The following DMD variants were observed in gnomAD, a reference collection of about 807,000 sequenced individuals.
The protein encoded by DMD is mutant dystrophin.
DMD carries 63 observed loss-of-function variants against 330.1 expected under a neutral mutation model. The observed-to-expected ratio is 0.19, with a 90% CI of 0.16 to 0.24. The LOEUF (loss-of-function observed/expected upper bound fraction) is 0.24, where lower values mean the gene tolerates loss of function less well. Among genes scored for constraint, DMD ranks in the 10% least tolerant of loss-of-function variants. DMD has a pLI of 1.00. For missense variants in DMD, 3,344 were observed against 2,684.1 expected, an observed-to-expected ratio of 1.25 and a Z score of -5.43; for synonymous variants, 1,223 against 959.8, an observed-to-expected ratio of 1.27 and a Z score of -5.07.
chrX:31,321,282 A>G (rs934879447), intron 62 of DMD, among the ~76,000 whole-genome samples: 1 of 111,108 alleles, frequency 9.0e-6, no homozygotes, highest in East Asian at 2.8e-4. Flanking sequence ...TCTTTATTTT[A>G]TAAATTAGAA....
intron 2 of DMD, among the ~76,000 whole-genome samples, chrX:33,016,765 T>C (rs2093811068): frequency 8.9e-6 from 1 of 111,759 alleles, no homozygotes; most frequent in Non-Finnish European, 1.9e-5. Flanking sequence ...GTAAATATTT[T>C]TTCCCATAAA....
chrX:32,672,212 T>C (rs941848942), intron 9 of DMD, among the ~76,000 whole-genome samples: 12 of 111,015 alleles, frequency 1.1e-4, no homozygotes, highest in African/African-American at 3.9e-4. Context: ...GCCTAACCTA[T>C]GCTAAAGATG....
chrX:31,781,729 T>C lies in DMD; in HGVS notation c.7310-7537A>G, dbSNP rs779882667. ...GCACTATTGACATTTTTGTCCCAGA[T>C]AATTTTTTGTCGTGAGTGGCTGTCC... is the stretch of plus-strand genomic sequence containing the variant. On this transcript the variant is annotated intron_variant, in intron 50 of 78. Coordinates refer to ENST00000357033, the MANE Select transcript of DMD (RefSeq NM_004006.3). Among the ~76,000 whole-genome samples, 5 of 111,456 alleles carry C rather than the reference T, an allele frequency of 4.5e-5. No individual in the cohort carries two copies. In the South Asian group the frequency reaches 1.5e-3, roughly 34 times the overall value.
chrX:31,558,685 T>C (rs2075004643), intron 55 of DMD, among the ~76,000 whole-genome samples: 1 of 111,132 alleles, frequency 9.0e-6, no homozygotes. Flanking sequence ...TATATATATA[T>C]GGACATATAA....
intron 2 of DMD, among the ~76,000 whole-genome samples, chrX:33,019,351 C>A (rs1239137476): frequency 1.8e-5 from 2 of 111,375 alleles, no homozygotes; most frequent in Non-Finnish European, 3.8e-5. Flanking sequence ...TTTCCATTAT[C>A]TAGATTTGAT....
intron 43 of DMD, among the ~76,000 whole-genome samples, chrX:32,244,886 G>A (rs369814968): frequency 2.7e-4 from 19 of 71,630 alleles, no homozygotes; most frequent in Admixed American, 5.5e-4. Context: ...AGTAGGTTGC[G>A]AAAATTTTCT....
At chrX:32,457,208 T>A (rs376912492) in intron 25 of DMD, among the ~76,000 whole-genome samples, 2 of 110,554 alleles carry the variant, frequency 1.8e-5, no homozygotes, top group South Asian at 3.8e-4. Flanking sequence ...CAACTGAATT[T>A]AGCGATTTAG....
chrX:32,863,897 C>T (rs933715542), intron 2 of DMD, among the ~76,000 whole-genome samples: 3 of 111,909 alleles, frequency 2.7e-5, no homozygotes, highest in Non-Finnish European at 5.6e-5. Context: ...TTTCTTCTTC[C>T]ATGCCTGTAA....
intron 62 of DMD, among the ~76,000 whole-genome samples, chrX:31,299,063 C>T (rs1030193928): frequency 1.8e-5 from 2 of 111,772 alleles, no homozygotes; most frequent in African/African-American, 3.3e-5. Flanking sequence ...AATTTCAACA[C>T]CGTTGCCTGT....
intron 18 of DMD, among the ~76,000 whole-genome samples, chrX:32,503,713 G>A (rs182879134): frequency 1.0e-3 from 111 of 109,980 alleles, no homozygotes; most frequent in African/African-American, 1.6e-3. Flanking sequence ...GCACCACCAC[G>A]CCCAGCTAAT....
At chrX:32,380,703 G>C (rs771676602) in intron 33 of DMD, 23 bp from the exon 34 acceptor site, 2 of 1,179,220 alleles carry the variant, frequency 1.7e-6, no homozygotes, top group Non-Finnish European at 2.3e-6. Context: ...ATAATGAAAT[G>C]TAATTTAGTT....
intron 1 of DMD, among the ~76,000 whole-genome samples, chrX:33,040,379 CAA>C (rs2094280005): frequency 1.6e-4 from 18 of 110,908 alleles, no homozygotes; most frequent in Admixed American, 1.3e-3. Flanking sequence ...GAGAGAGGGT[CAA>C]GATACCCTCT....
At chrX:32,476,267 C>T (rs1389152099) in intron 21 of DMD, among the ~76,000 whole-genome samples, 2 of 111,343 alleles carry the variant, frequency 1.8e-5, no homozygotes, top group Non-Finnish European at 3.8e-5. Context: ...TCTGATCTGT[C>T]CAACAACTGA....
chrX:32,868,882 C>A (rs747161441), intron 2 of DMD, among the ~76,000 whole-genome samples: 1 of 112,293 alleles, frequency 8.9e-6, no homozygotes, highest in Admixed American at 9.4e-5. Context: ...CAGCAAACCC[C>A]CTCGACCAAG....
intron 1 of DMD, among the ~76,000 whole-genome samples, chrX:33,050,041 C>T (rs1223597837): frequency 1.8e-5 from 2 of 111,533 alleles, no homozygotes; most frequent in Admixed American, 1.9e-4. Context: ...TCTTAACAGA[C>T]ATTTACTTTT....
At position 33,015,737 on chromosome X, in the gene DMD, T is replaced by C. The variant is rs753068779; in HGVS notation, c.93+4402A>G. On this transcript the variant is annotated intron_variant, in intron 2 of 78. Coordinates refer to ENST00000357033, the MANE Select transcript of DMD (RefSeq NM_004006.3). ...GTTAATTTACCCTACATCATGCTTA[T>C]CATGCTGGCTAAAAGGTAAATTAAA... Among the ~76,000 whole-genome samples the C allele has an allele frequency of 2.7e-5, 3 of 112,080 alleles. No individual in the cohort carries two copies. The South Asian group carries it at 1.1e-3, about 42-fold the overall frequency.
chrX:31,532,297 C>T (rs1299408287), intron 55 of DMD, among the ~76,000 whole-genome samples: 3 of 75,907 alleles, frequency 4.0e-5, no homozygotes, highest in South Asian at 1.4e-3. Context: ...CGGCAGAAAC[C>T]CTACAAGCCA....
intron 1 of DMD, among the ~76,000 whole-genome samples, chrX:33,247,002 A>T (rs1392471874): frequency 1.8e-5 from 2 of 111,559 alleles, no homozygotes; most frequent in Non-Finnish European, 3.8e-5. Context: ...CGGTCTTCAA[A>T]CTCTGTTTTA....
At chrX:32,182,453 A>G (rs935909166) in intron 44 of DMD, among the ~76,000 whole-genome samples, 4 of 111,607 alleles carry the variant, frequency 3.6e-5, no homozygotes, top group African/African-American at 9.8e-5. Context: ...ATGGTGCCTC[A>G]TGAACAAACT....
Sources: allele counts gnomAD v4.1 joint callset (sites outside exome capture counted in the v4.1 genomes callset), GRCh38; gene constraint gnomAD v4.1.1; transcripts MANE v1.5; gene names NCBI Gene and HGNC (gene_info 2026-07-23, HGNC 2026-07-21).